Variants in MAGI1 observed in about 807,000 individuals in gnomAD.
MAGI1 encodes membrane associated guanylate kinase, WW and PDZ domain containing 1, also known as membrane-associated guanylate kinase, WW and PDZ domain-containing protein 1.
A neutral mutation model predicts 139.9 loss-of-function variants in MAGI1; 58 were observed. The observed-to-expected ratio is 0.41, with a 90% CI of 0.34 to 0.52. The LOEUF is 0.52. MAGI1 is among the 20% of genes least tolerant of loss of function. The pLI is 0.12. For missense variants in MAGI1, 1,874 were observed against 1,901.6 expected, an observed-to-expected ratio of 0.99 and a Z score of 0.27; for synonymous variants, 812 against 737.9, an observed-to-expected ratio of 1.10 and a Z score of -1.63.
chr3:65,414,960 C>T (rs1215591667), intron 12 of MAGI1, among the ~76,000 whole-genome samples: 6 of 135,904 alleles, frequency 4.4e-5, no homozygotes, highest in African/African-American at 8.5e-5. Flanking sequence ...ACCCGGGAGG[C>T]AGAGGTTGTG....
chr3:65,540,429 T>C (rs552226934), intron 2 of MAGI1, among the ~76,000 whole-genome samples: 2 of 152,272 alleles, frequency 1.3e-5, no homozygotes, highest in African/African-American at 4.8e-5. Context: ...CACTACTATA[T>C]TCCCAGTGCC....
intron 1 of MAGI1, among the ~76,000 whole-genome samples, chr3:65,784,531 C>G (rs2039218826): frequency 6.6e-6 from 1 of 152,110 alleles, no homozygotes; most frequent in African/African-American, 2.4e-5. Context: ...CGGTGAAACC[C>G]TGTCTCTACT....
intron 12 of MAGI1, among the ~76,000 whole-genome samples, chr3:65,424,065 G>A (rs75867471): frequency 9.9e-5 from 15 of 152,140 alleles, no homozygotes; most frequent in Admixed American, 9.8e-4. Context: ...CAATGTGGTT[G>A]CAACAATGAA....
intron 1 of MAGI1, among the ~76,000 whole-genome samples, chr3:65,808,710 T>C (rs867891023): frequency 3.3e-5 from 5 of 152,250 alleles, no homozygotes; most frequent in Middle Eastern, 3.4e-3. Context: ...AACTCCAACA[T>C]CATTCTCCAC....
chr3:65,722,630 C>A (rs541835332), intron 1 of MAGI1, among the ~76,000 whole-genome samples: 1 of 151,618 alleles, frequency 6.6e-6, no homozygotes, highest in African/African-American at 2.4e-5. Context: ...GAGACCCTGT[C>A]TCAAAAACAA....
intron 1 of MAGI1, among the ~76,000 whole-genome samples, chr3:65,920,271 T>G (rs1426560596): frequency 2.6e-5 from 4 of 152,202 alleles, no homozygotes; most frequent in African/African-American, 9.6e-5. Flanking sequence ...CCTCGACCTG[T>G]GCCCTCAATT....
chr3:65,744,628 G>A (rs1481399361), intron 1 of MAGI1, among the ~76,000 whole-genome samples: 1 of 151,964 alleles, frequency 6.6e-6, no homozygotes, highest in Non-Finnish European at 1.5e-5. Flanking sequence ...AGAAGATATA[G>A]ACTATATTAT....
chr3:65,951,449 T>C (rs55733848), intron 1 of MAGI1, among the ~76,000 whole-genome samples: 2,882 of 152,328 alleles, frequency 0.019, 53 homozygotes, highest in African/African-American at 0.056. Flanking sequence ...CCAATGAAAC[T>C]GTTGCATCGA....
intron 1 of MAGI1, among the ~76,000 whole-genome samples, chr3:65,957,350 C>CA (rs1174740233): frequency 0.46 from 42,139 of 91,526 alleles, 8,599 homozygotes; most frequent in South Asian, 0.62. Context: ...CCTGTCTCTA[C>CA]AAAAAAAAAA....
intron 1 of MAGI1, among the ~76,000 whole-genome samples, chr3:65,827,883 A>T (rs2042313641): frequency 6.6e-6 from 1 of 152,142 alleles, no homozygotes; most frequent in Non-Finnish European, 1.5e-5. Flanking sequence ...GCAGCAAAAA[A>T]TTTTTTAATG....
chr3:66,007,247 G>C lies in MAGI1; in HGVS notation c.313+30749C>G, dbSNP rs527412393. ...CAAGAGGGAAGGAGTCCCTGGACCT[G>C]CCTCGGTAGAACTTTATCAGTTCTA... On this transcript the variant is annotated intron_variant, in intron 1 of 22. Transcript: ENST00000402939. 3.9e-5 allele frequency among the ~76,000 whole-genome samples: 6 copies of C among 152,266 alleles called. No homozygotes were observed. In the South Asian group the frequency reaches 1.2e-3, roughly 32 times the overall value.
At chr3:65,687,704 C>T in intron 1 of MAGI1, 1 of 524,510 alleles carries the variant, frequency 1.9e-6, no homozygotes, top group Non-Finnish European at 3.9e-6. Context: ...GAAGCTGTTG[C>T]TGCCCTGGGA....
At chr3:65,830,953 T>C (rs1176736717) in intron 1 of MAGI1, among the ~76,000 whole-genome samples, 2 of 152,196 alleles carry the variant, frequency 1.3e-5, no homozygotes, top group Admixed American at 6.5e-5. Context: ...ATCTTTAAAA[T>C]GTAAACTCAT....
chr3:65,885,826 A>T (rs1327552202), intron 1 of MAGI1, among the ~76,000 whole-genome samples: 1 of 152,214 alleles, frequency 6.6e-6, no homozygotes, highest in Non-Finnish European at 1.5e-5. Context: ...GTGTACTAGC[A>T]GCGTGAGAAC....
intron 1 of MAGI1, among the ~76,000 whole-genome samples, chr3:65,976,244 C>T (rs1026462947): frequency 1.3e-5 from 2 of 152,182 alleles, no homozygotes; most frequent in African/African-American, 4.8e-5. Context: ...TCACCAATAC[C>T]TTAAATGATG....
chr3:65,617,828 C>T (rs1372047206), intron 2 of MAGI1, among the ~76,000 whole-genome samples: 1 of 152,164 alleles, frequency 6.6e-6, no homozygotes, highest in East Asian at 1.9e-4. Flanking sequence ...TTCATGCGTT[C>T]AACAAATACT....
intron 3 of MAGI1, among the ~76,000 whole-genome samples, chr3:65,480,901 T>C (rs549083483): frequency 1.3e-5 from 2 of 152,300 alleles, no homozygotes; most frequent in African/African-American, 4.8e-5. Flanking sequence ...AAGGTTTCTT[T>C]TTTAAGATAA....
At chr3:65,657,674 T>C (rs1297329320) in intron 1 of MAGI1, among the ~76,000 whole-genome samples, 1 of 152,234 alleles carries the variant, frequency 6.6e-6, no homozygotes, top group Non-Finnish European at 1.5e-5. Flanking sequence ...TTTTTTTGTT[T>C]GTTTCCTTTA....
At chr3:65,604,229 T>A (rs2082625997) in intron 2 of MAGI1, among the ~76,000 whole-genome samples, 1 of 151,016 alleles carries the variant, frequency 6.6e-6, no homozygotes, top group Non-Finnish European at 1.5e-5. Flanking sequence ...GAAATATTGG[T>A]GTTATATGAC....
Sources: gnomAD v4.1 joint callset for allele counts (sites outside exome capture counted in the v4.1 genomes callset) on GRCh38, gnomAD v4.1.1 for gene constraint, MANE v1.5 for transcripts, NCBI Gene and HGNC (gene_info 2026-07-23, HGNC 2026-07-21) for gene names.